Variants in CNNM2 observed in about 807,000 individuals in gnomAD.
The protein encoded by CNNM2 is metal transporter CNNM2.
In CNNM2, 12 loss-of-function variants were observed where a neutral mutation model predicts 66.9. The ratio of observed to expected loss-of-function variants is 0.18; its 90% CI spans 0.11 to 0.29. CNNM2 has a LOEUF of 0.29. Among genes scored for constraint, CNNM2 ranks in the 10% least tolerant of loss-of-function variants. CNNM2 has a pLI of 1.00. For missense variants in CNNM2, 705 were observed against 1,167.7 expected, an observed-to-expected ratio of 0.60 and a Z score of 5.77; for synonymous variants, 557 against 501.8, an observed-to-expected ratio of 1.11 and a Z score of -1.47.
intron 1 of CNNM2, among the ~76,000 whole-genome samples, chr10:103,005,166 C>T (rs891203460): frequency 6.6e-6 from 1 of 151,932 alleles, no homozygotes; most frequent in Non-Finnish European, 1.5e-5. Context: ...CCACCCACCT[C>T]GGCTCCCAAA....
intron 7 of CNNM2, 111 bp downstream of exon 7, chr10:103,076,381 G>A: frequency 9.3e-7 from 1 of 1,078,194 alleles, no homozygotes; most frequent in South Asian, 1.5e-5. Context: ...TTGTCACTTT[G>A]TGGGTGCCCT....
intron 1 of CNNM2, among the ~76,000 whole-genome samples, chr10:103,013,117 C>CT (rs1311617337): frequency 2.0e-5 from 3 of 151,976 alleles, no homozygotes; most frequent in Non-Finnish European, 4.4e-5. Flanking sequence ...CTGTGTGCCT[C>CT]TTAGCTGTAT....
At chr10:102,963,877 C>G (rs990025242) in intron 1 of CNNM2, among the ~76,000 whole-genome samples, 5 of 152,130 alleles carry the variant, frequency 3.3e-5, no homozygotes, top group Admixed American at 2.6e-4. Context: ...TGTGGAAATT[C>G]AGAGGAGCAG....
chr10:103,032,162 A>C (rs1029841138), intron 1 of CNNM2, among the ~76,000 whole-genome samples: 3 of 152,110 alleles, frequency 2.0e-5, no homozygotes, highest in Non-Finnish European at 4.4e-5. Context: ...AAATATATAC[A>C]TTAGGGGCCG....
rs1306968757 is a variant in CNNM2 at position 103,087,863 on chromosome 10, A to ATAAG, written c.*10685_*10688dup. On this transcript the variant is annotated 3_prime_UTR_variant, in exon 8 of 8. Coordinates refer to ENST00000369878, the MANE Select transcript of CNNM2 (RefSeq NM_017649.5). Reference sequence around the variant, plus strand: ...CTTGGATGACTTAATCTGAAGCCATATAAGTCCAAAGTAGTGAGACAGACA... The same window carrying ATAAG: ...CTTGGATGACTTAATCTGAAGCCATATAAGTAAGTCCAAAGTAGTGAGACAGACA... 6.6e-6 allele frequency: 1 copy of ATAAG among 152,268 alleles called. No homozygotes were observed. Among genetic ancestry groups the ATAAG allele is most frequent in the East Asian group, 1.9e-4 (1 of 5,198 alleles). The allele number at this position is 152,268 out of a possible 1,614,324, so 9.4% of individuals were successfully genotyped here.
chr10:102,982,557 G>C (rs2063734214), intron 1 of CNNM2, among the ~76,000 whole-genome samples: 1 of 152,228 alleles, frequency 6.6e-6, no homozygotes, highest in South Asian at 2.1e-4. Flanking sequence ...GCTTTGGGCT[G>C]TTTGCTCGGC....
intron 1 of CNNM2, among the ~76,000 whole-genome samples, chr10:103,019,372 A>G (rs2064524280): frequency 6.6e-6 from 1 of 152,066 alleles, no homozygotes; most frequent in Non-Finnish European, 1.5e-5. Flanking sequence ...GAGGGGTTCT[A>G]TTGGACAAGA....
intron 5 of CNNM2, among the ~76,000 whole-genome samples, chr10:103,069,010 A>G (rs930033593): frequency 6.6e-6 from 1 of 152,184 alleles, no homozygotes; most frequent in Non-Finnish European, 1.5e-5. Flanking sequence ...GGTCCCCCAG[A>G]GTAACTGCTT....
chr10:103,014,250 C>T (rs1183129330), intron 1 of CNNM2, among the ~76,000 whole-genome samples: 1 of 152,170 alleles, frequency 6.6e-6, no homozygotes, highest in Non-Finnish European at 1.5e-5. Context: ...AGACGTTGTC[C>T]TTGCCCTCAA....
rs183764044 is a variant in CNNM2 at position 102,931,518 on chromosome 10, C to T, written c.1621+11417C>T. Reference sequence around the variant, plus strand: ...GATTACAGGCACGCACCACCACGGCCGGCTAATTTTGTATTTTTAGTAGAG... The same window carrying T: ...GATTACAGGCACGCACCACCACGGCTGGCTAATTTTGTATTTTTAGTAGAG... On this transcript the variant is annotated intron_variant, in intron 1 of 7. Transcript: ENST00000369878. Among the ~76,000 whole-genome samples the T allele has an allele frequency of 1.4e-3, 206 of 152,068 alleles. 1 individual carries two copies. The highest frequency in any genetic ancestry group is 2.8e-3 in the African/African-American group (118 of 41,480).
chr10:103,048,184 G>C (rs2065158295), intron 1 of CNNM2, among the ~76,000 whole-genome samples: 1 of 150,550 alleles, frequency 6.6e-6, no homozygotes, highest in Non-Finnish European at 1.5e-5. Flanking sequence ...CAAAGGGCTG[G>C]GATTACAAAT....
intron 1 of CNNM2, among the ~76,000 whole-genome samples, chr10:102,940,841 C>T (rs1015509041): frequency 6.6e-6 from 1 of 152,132 alleles, no homozygotes; most frequent in Non-Finnish European, 1.5e-5. Context: ...CCTGCCTCAG[C>T]CTCCCAGGTA....
At chr10:102,937,816 G>T (rs545753545) in intron 1 of CNNM2, among the ~76,000 whole-genome samples, 1 of 150,908 alleles carries the variant, frequency 6.6e-6, no homozygotes, top group Admixed American at 6.6e-5. Flanking sequence ...GTAGAGACAG[G>T]CTCTCCCTAT....
chr10:102,940,000 C>CAA (rs1554889969), intron 1 of CNNM2, among the ~76,000 whole-genome samples: 1 of 107,652 alleles, frequency 9.3e-6, no homozygotes, highest in Non-Finnish European at 2.2e-5. Flanking sequence ...ACAACAACAA[C>CAA]AAAAAAAAAA....
At position 102,918,749 on chromosome 10, in the gene CNNM2, G is replaced by C. The variant is rs1255547954; in HGVS notation, c.269G>C (p.Gly90Ala). ...ACGAACGACGTGTCGTTCATGGAAG[G>C]GGGGGCGCTGCGGGTGAGCGAACGG... is the stretch of plus-strand genomic sequence containing the variant. Reference protein sequence around the residue: ...EDTNDVSFMEGGALRVSERTR... With the variant: ...EDTNDVSFMEAGALRVSERTR... Residue 90 changes from glycine (G) to alanine (A), a missense_variant, in exon 1 of 8, where the codon GGG (glycine) becomes GCG (alanine). Gly to Ala is a moderately conservative substitution (Grantham distance 60). Around this residue, in one of 9 missense-constraint regions of CNNM2, gnomAD observed 37 missense variants for 58.5 expected, o/e 0.63. Coordinates refer to ENST00000369878, the MANE Select transcript of CNNM2 (RefSeq NM_017649.5). This position sits in a 1 kb window ranked among gnomAD's most constrained non-coding sequence, Gnocchi z 4.1. 3.1e-6 allele frequency: 5 copies of C among 1,590,958 alleles called. No individual in the cohort carries two copies. Among genetic ancestry groups the C allele is most frequent in the East Asian group, 2.3e-5 (1 of 43,592 alleles).
chr10:103,031,840 G>A (rs915374062), intron 1 of CNNM2, among the ~76,000 whole-genome samples: 1 of 17,050 alleles, frequency 5.9e-5, no homozygotes, highest in African/African-American at 2.4e-4. Context: ...ACAAAATGCG[G>A]GGGGGGCGTG....
chr10:103,063,942 T>A (rs1441429787), intron 4 of CNNM2, among the ~76,000 whole-genome samples: 1 of 152,226 alleles, frequency 6.6e-6, no homozygotes, highest in Non-Finnish European at 1.5e-5. Context: ...ACTGGTAGGT[T>A]ATTTGAAAAT....
At chr10:102,984,873 C>G (rs2063772761) in intron 1 of CNNM2, among the ~76,000 whole-genome samples, 1 of 152,234 alleles carries the variant, frequency 6.6e-6, no homozygotes, top group South Asian at 2.1e-4. Flanking sequence ...TCTCTAACTC[C>G]TGACCTCAAA....
At position 102,967,784 on chromosome 10, in the gene CNNM2, G is replaced by A. The variant is rs7903190; in HGVS notation, c.1621+47683G>A. ...AGCACTTTGGGGGGCCGAGGCGGGC[G>A]GATCACCTGAGGTCAGGAGTTCCTG... On this transcript the variant is annotated intron_variant, in intron 1 of 7. Transcript: ENST00000369878. 0.31 allele frequency among the ~76,000 whole-genome samples: 47,581 copies of A among 152,110 alleles called. 7,564 individuals carry two copies. Among genetic ancestry groups the A allele is most frequent in the Middle Eastern group, 0.37 (109 of 294 alleles).
Sources: gnomAD v4.1 joint callset for allele counts (sites outside exome capture counted in the v4.1 genomes callset) on GRCh38, gnomAD v4.1.1 for gene constraint, gnomAD v4.1.1 regional missense constraint, Gnocchi (gnomAD v3.1) non-coding constraint, MANE v1.5 for transcripts, NCBI Gene and HGNC (gene_info 2026-07-23, HGNC 2026-07-21) for gene names.